SRFBP1: variants seen among roughly 807,000 people sequenced by gnomAD.
SRFBP1 encodes the protein serum response factor binding protein 1.
SRFBP1 carries 47 observed loss-of-function variants against 45.5 expected under a neutral mutation model. The ratio of observed to expected loss-of-function variants is 1.03; its 90% CI spans 0.82 to 1.32. The LOEUF (loss-of-function observed/expected upper bound fraction) is 1.32. Ranked by LOEUF, SRFBP1 falls within the 40% of genes most tolerant of loss-of-function variation. The pLI is 0.00. For synonymous variants in SRFBP1, 203 were observed against 166.3 expected (o/e 1.22, Z -1.70); for missense variants, 621 against 484.6 (o/e 1.28, Z -2.64).
At chr5:121,984,275 T>C (rs984056853) in intron 3 of SRFBP1, among the ~76,000 whole-genome samples, 2 of 151,846 alleles carry the variant, frequency 1.3e-5, no homozygotes, top group Admixed American at 1.3e-4. Flanking sequence ...GTTATATTTT[T>C]ATTGTTCCCA....
In SRFBP1 at chr5:121,975,402, G is replaced by A. The variant is rs1752284032; in HGVS notation, c.198+15G>A. On this transcript the variant is annotated intron_variant, in intron 3 of 7. Coordinates refer to ENST00000339397, the MANE Select transcript of SRFBP1 (RefSeq NM_152546.3). ...ATGCCATGAAGGTAAGGACTTGTGT[G>A]GGTGTGTATGTGTGTATGTTTCTGA... 6.2e-7 allele frequency: 1 copy of A among 1,612,836 alleles called. No individual in the cohort carries two copies. The highest frequency in any genetic ancestry group is 1.7e-5 in the Admixed American group (1 of 59,968).
intron 1 of SRFBP1, among the ~76,000 whole-genome samples, chr5:121,973,559 T>C (rs1580499428): frequency 6.7e-6 from 1 of 148,646 alleles, no homozygotes; most frequent in Non-Finnish European, 1.5e-5. Context: ...GAGTTAAACA[T>C]TGTTCTCCAG....
chr5:122,056,597 C>G (rs1754085501), intron 2 of SRFBP1, among the ~76,000 whole-genome samples: 1 of 152,146 alleles, frequency 6.6e-6, no homozygotes. Context: ...TGGTGTGGAA[C>G]ATCATGATTA....
At chr5:122,026,802 C>T (rs946107881) in intron 7 of SRFBP1, 140 bp from the exon 8 acceptor site, 2 of 569,992 alleles carry the variant, frequency 3.5e-6, no homozygotes, top group Non-Finnish European at 5.8e-6. Context: ...CCCTGTTAGA[C>T]TTCAGTTTTA....
At chr5:122,065,378 A>G (rs575674744) in intron 2 of SRFBP1, 1 of 152,128 alleles carries the variant, frequency 6.6e-6, no homozygotes, top group South Asian at 2.1e-4. Flanking sequence ...TATAGGAAAA[A>G]TTATGCTTAA....
In SRFBP1 at chr5:122,016,686, G is replaced by A. The variant is rs78474870; in HGVS notation, c.271-2574G>A. Among the ~76,000 whole-genome samples, 621 of 152,260 alleles carry A rather than the reference G, an allele frequency of 4.1e-3. 15 individuals are homozygous for A. The East Asian group carries it at 0.053, about 13-fold the overall frequency. On this transcript the variant is annotated intron_variant, in intron 4 of 7. Coordinates refer to ENST00000339397, the MANE Select transcript of SRFBP1 (RefSeq NM_152546.3). ...CTTCAGCAGCTCAGCTTGTCACTAAGTGACTCAGGATACTAGCAATAACCT... is the reference window on the plus strand; with the variant it reads ...CTTCAGCAGCTCAGCTTGTCACTAAATGACTCAGGATACTAGCAATAACCT...
chr5:122,074,706 A>T (rs922035741), intron 2 of SRFBP1, among the ~76,000 whole-genome samples: 3 of 152,246 alleles, frequency 2.0e-5, no homozygotes, highest in Non-Finnish European at 4.4e-5. Flanking sequence ...TTCCTATTTT[A>T]TCAGGAAATT....
At chr5:121,999,616 A>G (rs1752812167) in intron 4 of SRFBP1, among the ~76,000 whole-genome samples, 1 of 151,990 alleles carries the variant, frequency 6.6e-6, no homozygotes, top group Non-Finnish European at 1.5e-5. Flanking sequence ...GCATTTTGAA[A>G]CATGTATGTT....
intron 7 of SRFBP1, among the ~76,000 whole-genome samples, chr5:122,024,342 G>C (rs553675809): frequency 1.3e-5 from 2 of 152,250 alleles, no homozygotes; most frequent in South Asian, 4.1e-4. Context: ...GAACTGCTAA[G>C]CCAATGCCAA....
chr5:122,012,660 T>C (rs1753119349), intron 4 of SRFBP1, among the ~76,000 whole-genome samples: 2 of 152,122 alleles, frequency 1.3e-5, no homozygotes. Context: ...AAGGACCAGA[T>C]ATATACTAAG....
chr5:121,966,043 T>C (rs1173258448), intron 1 of SRFBP1, among the ~76,000 whole-genome samples: 1 of 152,242 alleles, frequency 6.6e-6, no homozygotes, highest in Non-Finnish European at 1.5e-5. Flanking sequence ...TTTTGTATCC[T>C]GAGACTTTGC....
chr5:121,999,775 G>A (rs1752818120), intron 4 of SRFBP1, among the ~76,000 whole-genome samples: 1 of 151,940 alleles, frequency 6.6e-6, no homozygotes, highest in Admixed American at 6.6e-5. Flanking sequence ...TTTGGTTAGT[G>A]TTTACATTCA....
intron 1 of SRFBP1, among the ~76,000 whole-genome samples, chr5:121,970,365 GT>G (rs1338400335): frequency 6.6e-6 from 1 of 152,194 alleles, no homozygotes; most frequent in East Asian, 1.9e-4. Flanking sequence ...GTTAACAGTG[GT>G]TAGCAAATGG....
At chr5:122,055,749 A>G (rs771021990) in intron 2 of SRFBP1, among the ~76,000 whole-genome samples, 1 of 152,198 alleles carries the variant, frequency 6.6e-6, no homozygotes, top group Non-Finnish European at 1.5e-5. Context: ...CAAATATTGT[A>G]TTTAATGGCG....
downstream of SRFBP1, among the ~76,000 whole-genome samples, chr5:122,030,147 A>G (rs1753566114): frequency 6.6e-6 from 1 of 152,240 alleles, no homozygotes; most frequent in Non-Finnish European, 1.5e-5. Flanking sequence ...AGAACATCCA[A>G]AAAATGTTTC....
intron 2 of SRFBP1, among the ~76,000 whole-genome samples, chr5:122,038,597 T>G (rs1753727334): frequency 6.6e-6 from 1 of 152,182 alleles, no homozygotes; most frequent in African/African-American, 2.4e-5. Flanking sequence ...CCACTGAGAC[T>G]CCTGGCTCCA....
intron 3 of SRFBP1, among the ~76,000 whole-genome samples, chr5:121,976,814 T>A (rs139314802): frequency 1.4e-3 from 204 of 150,938 alleles, no homozygotes; most frequent in African/African-American, 4.8e-3. Context: ...GACTTTAACT[T>A]CTTTTGTAAT....
chr5:122,013,105 T>C (rs17148698), intron 4 of SRFBP1, among the ~76,000 whole-genome samples: 6,806 of 152,180 alleles, frequency 0.045, 179 homozygotes, highest in African/African-American at 0.061. Context: ...AAAGTTGTTA[T>C]GGCATCACAT....
rs908138653 is a variant in SRFBP1 at position 121,997,336 on chromosome 5, A to T, written c.270+2666A>T. Among the ~76,000 whole-genome samples, 705 of 150,306 alleles carry T rather than the reference A, an allele frequency of 4.7e-3. 19 individuals are homozygous for T. Among genetic ancestry groups the T allele is most frequent in the African/African-American group, 0.016 (664 of 40,402 alleles). On this transcript the variant is annotated intron_variant, in intron 4 of 7. Coordinates refer to ENST00000339397, the MANE Select transcript of SRFBP1 (RefSeq NM_152546.3). ...ACAGAGATGTAGATCAATGGAACAG[A>T]ACAGAGCCCTCAGAAATAACGCCGC...
Sources: gnomAD v4.1 joint callset for allele counts (sites outside exome capture counted in the v4.1 genomes callset) on GRCh38, gnomAD v4.1.1 for gene constraint, MANE v1.5 for transcripts, NCBI Gene and HGNC (gene_info 2026-07-23, HGNC 2026-07-21) for gene names.